The following ZNF618 variants were observed in gnomAD, a reference collection of about 807,000 sequenced individuals.
The protein encoded by ZNF618 is zinc finger protein 618.
In ZNF618, 34 loss-of-function variants were observed where a neutral mutation model predicts 103.0. That is an observed-to-expected ratio of 0.33 (90% CI 0.25 to 0.44). The LOEUF is 0.44. ZNF618 is among the 20% of genes least tolerant of loss of function. The probability of loss-of-function intolerance (pLI) is 1.00; values close to 1 mark genes in which losing one functional copy is unlikely to be tolerated. For missense variants in ZNF618, 1,059 were observed against 1,295.4 expected (o/e 0.82, Z 2.80); for synonymous variants, 551 against 542.2 (o/e 1.02, Z -0.23).
chr9:113,957,078 C>CAT (rs1350945839), intron 1 of ZNF618, among the ~76,000 whole-genome samples: 1 of 152,206 alleles, frequency 6.6e-6, no homozygotes, highest in Non-Finnish European at 1.5e-5. Flanking sequence ...GAACCCAACC[C>CAT]ATCTGCCTGT....
chr9:113,942,195 A>G (rs553995349), intron 1 of ZNF618, among the ~76,000 whole-genome samples: 14 of 152,062 alleles, frequency 9.2e-5, no homozygotes, highest in East Asian at 5.8e-4. Context: ...CTGAGCCTCA[A>G]TCTCCCCACT....
intron 1 of ZNF618, among the ~76,000 whole-genome samples, chr9:113,905,225 T>C (rs1418744293): frequency 6.6e-6 from 1 of 152,138 alleles, no homozygotes; most frequent in East Asian, 1.9e-4. Flanking sequence ...ACCTGGCTAA[T>C]TTTTTATTTT....
rs371255712 is a variant in ZNF618, at chr9:114,030,428, T to C, written c.1084+1456T>C. On this transcript the variant is annotated intron_variant, in intron 11 of 14. Coordinates refer to ENST00000374126, the MANE Select transcript of ZNF618 (RefSeq NM_001318042.2). ...TGGAATCGTGGCTTTCAAATCTTGC[T>C]TTCTCTCTTGCACTTTGTGGCTGGG... Among the ~76,000 whole-genome samples, 44 of 152,364 alleles carry C rather than the reference T, an allele frequency of 2.9e-4. 1 individual carries two copies. In the East Asian group the frequency reaches 7.5e-3, roughly 26 times the overall value.
At chr9:114,039,342 T>TG (rs1400294305) in intron 13 of ZNF618, among the ~76,000 whole-genome samples, 2 of 110,176 alleles carry the variant, frequency 1.8e-5, no homozygotes, top group Non-Finnish European at 3.8e-5. Flanking sequence ...TCTTGTTTGT[T>TG]TTTTTTTTTT....
chr9:113,977,113 C>T (rs1818425232), intron 2 of ZNF618, among the ~76,000 whole-genome samples: 2 of 152,270 alleles, frequency 1.3e-5, no homozygotes, highest in East Asian at 1.9e-4. Flanking sequence ...TTGTCACGCC[C>T]CTAGTGCTAG....
chr9:113,887,005 T>C (rs1428871354), intron 1 of ZNF618, among the ~76,000 whole-genome samples: 1 of 137,182 alleles, frequency 7.3e-6, no homozygotes, highest in African/African-American at 2.7e-5. Context: ...TTTTTAACAA[T>C]GTGGCTACTA....
At chr9:114,019,210 G>A (rs926644845) in intron 10 of ZNF618, among the ~76,000 whole-genome samples, 2 of 152,268 alleles carry the variant, frequency 1.3e-5, no homozygotes, top group African/African-American at 2.4e-5. Flanking sequence ...TCTGAGCAAT[G>A]TTCTATTGTA....
Position 113,973,545 on chromosome 9 carries a change from C to T in ZNF618, c.77+4385C>T, listed in dbSNP as rs141251466. The stretch of plus-strand genomic sequence containing the variant: ...GTGGTTTGGTTTACTTCCCTGTAAC[C>T]CAAACTGGGTCGATTTTACAAGACC... On this transcript the variant is annotated intron_variant, in intron 2 of 14. Coordinates refer to ENST00000374126, the MANE Select transcript of ZNF618 (RefSeq NM_001318042.2). Among the ~76,000 whole-genome samples the T allele has an allele frequency of 5.3e-5, 8 of 152,188 alleles. No individual in the cohort carries two copies. In the East Asian group the frequency reaches 1.5e-3, roughly 29 times the overall value.
intron 3 of ZNF618, among the ~76,000 whole-genome samples, chr9:113,996,676 G>A (rs1486862426): frequency 1.3e-5 from 2 of 152,164 alleles, no homozygotes; most frequent in Non-Finnish European, 2.9e-5. Flanking sequence ...AATGGGAAGA[G>A]GAAAAGTCCG....
intron 4 of ZNF618, among the ~76,000 whole-genome samples, chr9:113,999,306 G>A: frequency 7.1e-6 from 1 of 141,640 alleles, no homozygotes; most frequent in Non-Finnish European, 1.5e-5. Flanking sequence ...CTAGGGGCAG[G>A]CGGGGCCCTG....
intron 3 of ZNF618, among the ~76,000 whole-genome samples, chr9:113,997,517 GA>G: frequency 6.6e-6 from 1 of 152,270 alleles, no homozygotes; most frequent in African/African-American, 2.4e-5. Flanking sequence ...TTCCTCATCT[GA>G]AAAATGGGGA....
chr9:113,994,246 G>A (rs1011752316), intron 3 of ZNF618, among the ~76,000 whole-genome samples: 1 of 152,246 alleles, frequency 6.6e-6, no homozygotes, highest in Non-Finnish European at 1.5e-5. Context: ...ACACAGCCAC[G>A]TGGGTTTCAG....
chr9:113,915,772 G>A (rs1832015558), intron 1 of ZNF618, among the ~76,000 whole-genome samples: 1 of 152,086 alleles, frequency 6.6e-6, no homozygotes, highest in Non-Finnish European at 1.5e-5. Context: ...CAGATAGACA[G>A]ACAGACAGAT....
At chr9:113,974,196 C>T (rs1001785560) in intron 2 of ZNF618, among the ~76,000 whole-genome samples, 1 of 152,134 alleles carries the variant, frequency 6.6e-6, no homozygotes, top group Non-Finnish European at 1.5e-5. Flanking sequence ...TTGGGAGAGC[C>T]GGAGACAGTG....
chr9:114,049,318 G>A lies in ZNF618; in HGVS notation c.2016G>A (p.Ala672=), dbSNP rs370472166. Residue 672 remains alanine, a synonymous_variant, in exon 15 of 15, where the codon GCG becomes GCA. Coordinates refer to ENST00000374126, the MANE Select transcript of ZNF618 (RefSeq NM_001318042.2). ...TGCTCAACGTGTGCGAGGACCTGGC[G>A]GGCTCCACGGGCCTGGCCAAGGAGA... is the stretch of plus-strand genomic sequence containing the variant. ...IELLNVCEDL[A]GSTGLAKETF... 103 of 1,611,372 alleles carry A rather than the reference G, an allele frequency of 6.4e-5. No homozygotes were observed. The highest frequency in any genetic ancestry group is 2.3e-4 in the Admixed American group (14 of 59,934).
At chr9:114,024,763 C>T (rs976729322) in intron 10 of ZNF618, among the ~76,000 whole-genome samples, 1 of 147,734 alleles carries the variant, frequency 6.8e-6, no homozygotes, top group Non-Finnish European at 1.5e-5. Flanking sequence ...TGTTTTTTTG[C>T]TAGGCTTTGC....
intron 1 of ZNF618, among the ~76,000 whole-genome samples, chr9:113,920,386 A>G (rs772940556): frequency 3.4e-5 from 5 of 145,104 alleles, no homozygotes; most frequent in East Asian, 2.0e-4. Context: ...TTGATTTTTT[A>G]CTTATTTTCA....
chr9:114,022,326 A>G (rs1009071630), intron 10 of ZNF618, among the ~76,000 whole-genome samples: 2 of 152,066 alleles, frequency 1.3e-5, no homozygotes, highest in African/African-American at 4.8e-5. Flanking sequence ...TGAAGAGTTT[A>G]TATAGAATTG....
intron 1 of ZNF618, among the ~76,000 whole-genome samples, chr9:113,936,850 C>G (rs189040698): frequency 1.3e-5 from 2 of 151,946 alleles, no homozygotes; most frequent in Non-Finnish European, 2.9e-5. Flanking sequence ...GCTATTTAAT[C>G]CATGTGGGAT....
Sources: gnomAD v4.1 joint callset for allele counts (sites outside exome capture counted in the v4.1 genomes callset) on GRCh38, gnomAD v4.1.1 for gene constraint, MANE v1.5 for transcripts, NCBI Gene and HGNC (gene_info 2026-07-23, HGNC 2026-07-21) for gene names.